ACYP2: variants seen among roughly 807,000 people sequenced by gnomAD.
ACYP2 encodes acylphosphatase 2.
ACYP2 carries 12 observed loss-of-function variants against 11.2 expected under a neutral mutation model. The ratio of observed to expected loss-of-function variants is 1.08; its 90% CI spans 0.69 to 1.74. ACYP2 has a LOEUF of 1.74. Ranked by LOEUF, ACYP2 falls within the 40% of genes most tolerant of loss-of-function variation. The pLI is 0.00. For synonymous variants in ACYP2, 43 were observed against 32.2 expected (o/e 1.33, Z -1.13); for missense variants, 134 against 101.9 (o/e 1.31, Z -1.35).
chr2:54,249,361 C>G lies in ACYP2; in HGVS notation c.405-55327C>G, dbSNP rs1456714114. On this transcript the variant is annotated intron_variant, in intron 6 of 6. Coordinates refer to ENST00000607452, the MANE Select transcript of ACYP2 (RefSeq NM_001320586.2). Reference sequence around the variant, plus strand: ...CAATTTAAAAGTCCTTATTTCCTACCTCGGTGGAGCTTGCAGTGAGCCAAG... The same window carrying G: ...CAATTTAAAAGTCCTTATTTCCTACGTCGGTGGAGCTTGCAGTGAGCCAAG... Among the ~76,000 whole-genome samples the G allele has an allele frequency of 5.3e-5, 8 of 151,074 alleles. No individual in the cohort carries two copies. The East Asian group carries it at 7.9e-4, about 15-fold the overall frequency.
At chr2:54,201,606 T>G (rs186123046) in intron 6 of ACYP2, among the ~76,000 whole-genome samples, 1,417 of 86,086 alleles carry the variant, frequency 0.016, 36 homozygotes, top group African/African-American at 0.061. Context: ...CTTTCTTTCT[T>G]TCTTTCTTTC....
At chr2:54,072,978 T>C (rs1237457960) in intron 4 of ACYP2, among the ~76,000 whole-genome samples, 4 of 152,172 alleles carry the variant, frequency 2.6e-5, no homozygotes, top group Non-Finnish European at 4.4e-5. Flanking sequence ...CACTTCCTAA[T>C]TTCAAGACTT....
At chr2:54,141,834 T>G (rs1210265013) in intron 6 of ACYP2, 3 of 539,440 alleles carry the variant, frequency 5.6e-6, no homozygotes, top group Non-Finnish European at 1.0e-5. Flanking sequence ...AAGATAAACT[T>G]TATGTATTTA....
At chr2:54,172,110 A>T (rs539005727) in intron 6 of ACYP2, among the ~76,000 whole-genome samples, 1 of 152,246 alleles carries the variant, frequency 6.6e-6, no homozygotes, top group East Asian at 1.9e-4. Context: ...TCAGCTACTC[A>T]GGAGGCTGAG....
At chr2:54,085,841 G>T (rs1000205478) in intron 4 of ACYP2, among the ~76,000 whole-genome samples, 3 of 152,058 alleles carry the variant, frequency 2.0e-5, no homozygotes, top group Admixed American at 6.5e-5. Flanking sequence ...TTGAAGGCTT[G>T]AAGTTTTTCA....
At chr2:54,079,403 T>A (rs1006377963) in intron 4 of ACYP2, among the ~76,000 whole-genome samples, 1 of 152,202 alleles carries the variant, frequency 6.6e-6, no homozygotes, top group East Asian at 1.9e-4. Context: ...GATTTAGGAA[T>A]CACATTAGTG....
At chr2:54,081,220 T>G (rs1289107781) in intron 4 of ACYP2, among the ~76,000 whole-genome samples, 3 of 152,120 alleles carry the variant, frequency 2.0e-5, no homozygotes, top group Non-Finnish European at 4.4e-5. Flanking sequence ...GCTCCATGAG[T>G]ACTGGAATTC....
At chr2:54,294,723 C>A (rs1202830350) in intron 6 of ACYP2, among the ~76,000 whole-genome samples, 1 of 151,466 alleles carries the variant, frequency 6.6e-6, no homozygotes, top group Non-Finnish European at 1.5e-5. Context: ...CCAGCCTGAG[C>A]AACATAGTGA....
At chr2:54,201,274 T>G (rs1684746073) in intron 6 of ACYP2, among the ~76,000 whole-genome samples, 1 of 151,946 alleles carries the variant, frequency 6.6e-6, no homozygotes, top group East Asian at 1.9e-4. Context: ...CCCGACTAAT[T>G]TTTTGTATTT....
chr2:54,042,752 AAGAG>A (rs933273520), intron 2 of ACYP2, among the ~76,000 whole-genome samples: 1 of 152,168 alleles, frequency 6.6e-6, no homozygotes, highest in African/African-American at 2.4e-5. Flanking sequence ...AGCAGGCCGA[AAGAG>A]AGGCAAATGT....
At chr2:54,021,178 G>T (rs923548779) in intron 2 of ACYP2, among the ~76,000 whole-genome samples, 7 of 152,196 alleles carry the variant, frequency 4.6e-5, no homozygotes, top group Non-Finnish European at 1.5e-5. Flanking sequence ...GTGGTAGGGT[G>T]AGTAGTTTGG....
In ACYP2 at chr2:54,152,005, G is replaced by C. The variant is rs879115050; in HGVS notation, c.404+13257G>C. On this transcript the variant is annotated intron_variant, in intron 6 of 6. Coordinates refer to ENST00000607452, the MANE Select transcript of ACYP2 (RefSeq NM_001320586.2). ...CACACCCAATTCCCTAGGTCCCTCAGTTTCCCCCATTATTAACATCTTGCA... is the reference window on the plus strand; with the variant it reads ...CACACCCAATTCCCTAGGTCCCTCACTTTCCCCCATTATTAACATCTTGCA... Among the ~76,000 whole-genome samples the C allele has an allele frequency of 2.0e-5, 3 of 150,448 alleles. No individual in the cohort carries two copies. The Admixed American group carries it at 2.0e-4, about 10-fold the overall frequency.
At chr2:54,276,256 T>C (rs897794782) in intron 6 of ACYP2, among the ~76,000 whole-genome samples, 2 of 152,204 alleles carry the variant, frequency 1.3e-5, no homozygotes, top group Admixed American at 6.5e-5. Flanking sequence ...CCCAATAGCA[T>C]ATTTTAGTTA....
chr2:53,988,185 C>G (rs1314788410), intron 2 of ACYP2, among the ~76,000 whole-genome samples: 1 of 151,996 alleles, frequency 6.6e-6, no homozygotes, highest in East Asian at 1.9e-4. Context: ...TGCAACATAT[C>G]AAGACTTCAT....
chr2:54,171,920 T>C (rs1424476145), intron 6 of ACYP2, among the ~76,000 whole-genome samples: 3 of 152,142 alleles, frequency 2.0e-5, no homozygotes, highest in Admixed American at 6.6e-5. Context: ...GTTTTAAAAA[T>C]TGATATTCTT....
At chr2:54,280,586 G>A (rs1240208250) in intron 6 of ACYP2, among the ~76,000 whole-genome samples, 1 of 152,192 alleles carries the variant, frequency 6.6e-6, no homozygotes, top group Non-Finnish European at 1.5e-5. Context: ...ATCACCTAGA[G>A]ACACAGGAGG....
chr2:54,095,589 G>A (rs1275084730), intron 4 of ACYP2, among the ~76,000 whole-genome samples: 9 of 148,566 alleles, frequency 6.1e-5, no homozygotes, highest in Non-Finnish European at 1.3e-4. Flanking sequence ...CCTCCCGGAC[G>A]GGGCGGCTGG....
chr2:54,127,665 T>C (rs1316326018), intron 4 of ACYP2, among the ~76,000 whole-genome samples: 2 of 150,614 alleles, frequency 1.3e-5, no homozygotes, highest in East Asian at 2.0e-4. Context: ...GGAGAATCGC[T>C]TGAACCTGGG....
At chr2:54,069,324 C>G (rs1676896269) in intron 4 of ACYP2, among the ~76,000 whole-genome samples, 1 of 151,962 alleles carries the variant, frequency 6.6e-6, no homozygotes, top group African/African-American at 2.4e-5. Flanking sequence ...TTCTCACCCC[C>G]TACTTTCCCA....
Sources: allele counts gnomAD v4.1 joint callset (sites outside exome capture counted in the v4.1 genomes callset), GRCh38; gene constraint gnomAD v4.1.1; transcripts MANE v1.5; gene names NCBI Gene and HGNC (gene_info 2026-07-23, HGNC 2026-07-21).